The following PARN variants were observed in gnomAD, a reference collection of about 807,000 sequenced individuals.
PARN encodes the protein poly(A)-specific ribonuclease.
Under a neutral mutation model 102.8 loss-of-function variants are expected in PARN, and 71 were observed. The ratio of observed to expected loss-of-function variants is 0.69; its 90% confidence interval spans 0.57 to 0.84. The LOEUF (loss-of-function observed/expected upper bound fraction) is 0.84. Among genes scored for constraint, PARN ranks in the 40% least tolerant of loss-of-function variants. The pLI is 0.00. For synonymous variants in PARN, 261 were observed against 252.9 expected, an observed-to-expected ratio of 1.03 and a Z score of -0.30; for missense variants, 782 against 760.9, an observed-to-expected ratio of 1.03 and a Z score of -0.33.
chr16:14,453,521 T>G (rs1355489675), intron 22 of PARN, among the ~76,000 whole-genome samples: 1 of 152,222 alleles, frequency 6.6e-6, no homozygotes, highest in East Asian at 1.9e-4. Flanking sequence ...GAATTGCTTA[T>G]AACCATGTAA....
At chr16:14,607,293 T>C (rs754019261) in intron 9 of PARN, among the ~76,000 whole-genome samples, 2 of 152,134 alleles carry the variant, frequency 1.3e-5, no homozygotes, top group African/African-American at 4.8e-5. Flanking sequence ...ACTGCACCTC[T>C]GCCTCCAGGG....
At chr16:14,478,831 A>G (rs1376167107) in intron 22 of PARN, among the ~76,000 whole-genome samples, 1 of 152,134 alleles carries the variant, frequency 6.6e-6, no homozygotes, top group Non-Finnish European at 1.5e-5. Context: ...CCCCAGGCTG[A>G]AGTGCAATGG....
At chr16:14,549,913 T>G (rs2151702356) in intron 21 of PARN, among the ~76,000 whole-genome samples, 1 of 152,318 alleles carries the variant, frequency 6.6e-6, no homozygotes, top group East Asian at 1.9e-4. Context: ...CTCGGAAGGT[T>G]TACATAACCT....
chr16:14,554,255 T>C (rs2379090), intron 19 of PARN, 104 bp from the exon 20 acceptor site: 4 of 727,592 alleles, frequency 5.5e-6, no homozygotes, highest in African/African-American at 5.4e-5. Context: ...AGAACTGTTA[T>C]GAATTCCTCA....
At chr16:14,530,478 T>C (rs1234602190) in intron 21 of PARN, among the ~76,000 whole-genome samples, 1 of 151,696 alleles carries the variant, frequency 6.6e-6, no homozygotes, top group Non-Finnish European at 1.5e-5. Context: ...AAGAAATCCA[T>C]GTGCATTATA....
chr16:14,592,261 A>G (rs1276427761), intron 13 of PARN, among the ~76,000 whole-genome samples: 3 of 152,214 alleles, frequency 2.0e-5, no homozygotes, highest in African/African-American at 7.2e-5. Context: ...AGCCACGTCA[A>G]TTCAAAACAA....
chr16:14,487,944 T>A (rs1464483686), intron 21 of PARN, among the ~76,000 whole-genome samples: 1 of 152,102 alleles, frequency 6.6e-6, no homozygotes, highest in Non-Finnish European at 1.5e-5. Flanking sequence ...AAAATTAGAA[T>A]AAAAGGGCCA....
chr16:14,541,325 C>A (rs1966839043), intron 21 of PARN, among the ~76,000 whole-genome samples: 1 of 151,852 alleles, frequency 6.6e-6, no homozygotes, highest in Non-Finnish European at 1.5e-5. Flanking sequence ...GTATATAGAC[C>A]CAGCCCAAGT....
chr16:14,451,853 AAAAAAAAAAAAAATAC>A (rs1961463554), intron 22 of PARN, among the ~76,000 whole-genome samples: 2 of 83,760 alleles, frequency 2.4e-5, no homozygotes, highest in Non-Finnish European at 2.4e-5. Flanking sequence ...TAAAAAAAAA[AAAAAAAAAAAAAATAC>A]AAAAAAAAAA....
At chr16:14,477,803 G>GGGGAA (rs989612642) in intron 22 of PARN, among the ~76,000 whole-genome samples, 2 of 151,780 alleles carry the variant, frequency 1.3e-5, no homozygotes, top group Admixed American at 6.6e-5. Context: ...AAGGGAAAAG[G>GGGGAA]GGGAAGGGAA....
At chr16:14,456,653 G>C (rs1470455682) in intron 22 of PARN, among the ~76,000 whole-genome samples, 1 of 152,000 alleles carries the variant, frequency 6.6e-6, no homozygotes, top group African/African-American at 2.4e-5. Context: ...TTGCAGACAA[G>C]AAACCTCATC....
At chr16:14,464,313 TTACA>T (rs1161252512) in intron 22 of PARN, among the ~76,000 whole-genome samples, 2 of 152,146 alleles carry the variant, frequency 1.3e-5, no homozygotes, top group Non-Finnish European at 2.9e-5. Context: ...GAAAGTTGTA[TTACA>T]TACAGAGAAA....
At chr16:14,477,334 G>A (rs990779102) in intron 22 of PARN, among the ~76,000 whole-genome samples, 2 of 151,746 alleles carry the variant, frequency 1.3e-5, no homozygotes, top group Admixed American at 6.6e-5. Flanking sequence ...CCAGCTACTC[G>A]GGAGCCTGAG....
chr16:14,624,506 A>C (rs2151819110), intron 5 of PARN, among the ~76,000 whole-genome samples: 1 of 152,316 alleles, frequency 6.6e-6, no homozygotes, highest in South Asian at 2.1e-4. Flanking sequence ...GTGGCTGGCA[A>C]CTACAACTGT....
At chr16:14,500,835 C>T (rs1371672280) in intron 21 of PARN, among the ~76,000 whole-genome samples, 2 of 152,016 alleles carry the variant, frequency 1.3e-5, no homozygotes, top group African/African-American at 4.8e-5. Context: ...CAGATAGTAC[C>T]CTGTGCCCTA....
intron 21 of PARN, among the ~76,000 whole-genome samples, chr16:14,546,955 T>C (rs1232271490): frequency 6.6e-6 from 1 of 151,986 alleles, no homozygotes; most frequent in Non-Finnish European, 1.5e-5. Flanking sequence ...TAGCCAGGTG[T>C]GGTGGCGTGC....
chr16:14,566,315 GAC>G (rs145007933), intron 18 of PARN, among the ~76,000 whole-genome samples: 1 of 152,154 alleles, frequency 6.6e-6, no homozygotes, highest in African/African-American at 2.4e-5. Context: ...AGACAGAGAG[GAC>G]ACACACACAG....
At chr16:14,499,269 A>G (rs1170781885) in intron 21 of PARN, among the ~76,000 whole-genome samples, 1 of 152,126 alleles carries the variant, frequency 6.6e-6, no homozygotes, top group Non-Finnish European at 1.5e-5. Flanking sequence ...GAGTGACATT[A>G]CTCTTGAGTC....
At chr16:14,557,066 T>G (rs1413539212) in intron 18 of PARN, among the ~76,000 whole-genome samples, 2 of 152,244 alleles carry the variant, frequency 1.3e-5, no homozygotes, top group African/African-American at 4.8e-5. Flanking sequence ...TTCTTTTATT[T>G]GCAAGATTAT....
Sources: gnomAD v4.1 joint callset for allele counts (sites outside exome capture counted in the v4.1 genomes callset) on GRCh38, gnomAD v4.1.1 for gene constraint, MANE v1.5 for transcripts, NCBI Gene and HGNC (gene_info 2026-07-23, HGNC 2026-07-21) for gene names.